Variants in SMC2 observed in about 807,000 individuals in gnomAD.
SMC2 encodes the protein structural maintenance of chromosomes 2, also known as structural maintenance of chromosomes protein 2.
In SMC2, 41 loss-of-function variants were observed where a neutral mutation model predicts 142.6. The observed-to-expected ratio is 0.29, with a 90% CI of 0.22 to 0.37. The LOEUF (loss-of-function observed/expected upper bound fraction) is 0.37. Among genes scored for constraint, SMC2 ranks in the 10% least tolerant of loss-of-function variants. The pLI, the probability that SMC2 is intolerant of heterozygous loss-of-function variation, is 1.00. For missense variants in SMC2, 1,265 were observed against 1,373.7 expected, an observed-to-expected ratio of 0.92 and a Z score of 1.25; for synonymous variants, 463 against 457.5, an observed-to-expected ratio of 1.01 and a Z score of -0.15.
At chr9:104,127,633 T>TCAACAATGCTAATTTTC (rs545296778) in intron 20 of SMC2, among the ~76,000 whole-genome samples, 153 bp downstream of exon 20, 155 of 152,326 alleles carry the variant, frequency 1.0e-3, no homozygotes, top group African/African-American at 3.6e-3. Flanking sequence ...TAACTGCTTT[T>TCAACAATGCTAATTTTC]CAACAATGCT....
intron 3 of SMC2, 63 bp downstream of exon 3, chr9:104,096,360 C>T: frequency 6.6e-7 from 1 of 1,515,034 alleles, no homozygotes; most frequent in Non-Finnish European, 9.0e-7. Context: ...GTTTTTGGCC[C>T]TATGCCTTTG....
At chr9:104,136,703 A>G (rs1439151762) in intron 23 of SMC2, among the ~76,000 whole-genome samples, 2 of 151,410 alleles carry the variant, frequency 1.3e-5, no homozygotes, top group Non-Finnish European at 2.9e-5. Flanking sequence ...TCCCTTTTAT[A>G]GAGGTGATTA....
In SMC2 at chr9:104,129,714, G is replaced by A; in HGVS notation, c.2860G>A (p.Ala954Thr). The A allele has an allele frequency of 6.2e-7, 1 of 1,613,956 alleles. No individual in the cohort carries two copies. The highest frequency in any genetic ancestry group is 1.3e-5 in the African/African-American group (1 of 75,014). The part of the protein sequence containing the change: ...ERHLFGQPNS[A>T]YDFKTNNPKE... ...ACACCTCTTTGGCCAACCCAATAGT[G>A]CCTATGATTTCAAAACTAACAACCC... Residue 954 changes from alanine to threonine, a missense_variant, in exon 21 of 25, where the codon GCC becomes ACC. By Grantham distance (58) the Ala-to-Thr change is moderately conservative (BLOSUM62 0). This residue lies in a region of SMC2 where 898 missense variants were observed against 904.2 expected (regional missense o/e 0.99). Coordinates refer to ENST00000374793, the MANE Select transcript of SMC2 (RefSeq NM_006444.3).
chr9:104,097,088 TATAGTC>T (rs1422000257), intron 3 of SMC2, among the ~76,000 whole-genome samples: 1 of 151,586 alleles, frequency 6.6e-6, no homozygotes, highest in African/African-American at 2.4e-5. Flanking sequence ...GTGTTATTAA[TATAGTC>T]AGGCAGTGTT....
intron 1 of SMC2, 32 bp from the exon 2 acceptor site, chr9:104,095,292 C>T: frequency 2.0e-6 from 2 of 981,990 alleles, no homozygotes; most frequent in Non-Finnish European, 3.1e-6. Context: ...GTTTACATTC[C>T]ACTTAGGTGG....
upstream of SMC2, among the ~76,000 whole-genome samples, chr9:104,091,355 GGTA>G (rs1415334208): frequency 2.0e-5 from 3 of 152,162 alleles, no homozygotes; most frequent in East Asian, 3.9e-4. Context: ...AAACAGAAAG[GGTA>G]GTATGTTGCA....
Position 104,118,343 on chromosome 9 carries a change from A to T in SMC2, c.1964A>T (p.Asp655Val). 6.2e-7 allele frequency: 1 copy of T among 1,613,596 alleles called. No homozygotes were observed. The highest frequency in any genetic ancestry group is 8.5e-7 in the Non-Finnish European group (1 of 1,179,636). The stretch of plus-strand genomic sequence containing the variant: ...ACTAGAACTGTAACTCTCGGAGGTG[A>T]TGTGTTTGATCCTCATGGGACATTG... ...IMTRTVTLGG[D>V]VFDPHGTLSG... Residue 655 changes from aspartate to valine, a missense_variant, in exon 15 of 25, where the codon GAT (aspartate) becomes GTT (valine). Physicochemically the swap from Asp to Val is radical, Grantham distance 152. This residue lies in a region of SMC2 where 898 missense variants were observed against 904.2 expected (regional missense o/e 0.99). Transcript: ENST00000374793.
upstream of SMC2, among the ~76,000 whole-genome samples, chr9:104,090,837 GAACT>G (rs149606008): frequency 0.52 from 78,886 of 151,374 alleles, 21,255 homozygotes; most frequent in Non-Finnish European, 0.55. Context: ...AAAAATAACA[GAACT>G]AACAGAAAAG....
rs529879177 is a variant in SMC2, at chr9:104,139,377, G to A, written c.*62G>A. On this transcript the variant is annotated 3_prime_UTR_variant, in exon 25 of 25. Coordinates refer to ENST00000374793, the MANE Select transcript of SMC2 (RefSeq NM_006444.3). ...TAAATGTAAACTTTTAAGGACTTGA[G>A]ATAACTAATTTGTTTATATACAAAA... 4 of 1,348,806 alleles carry A rather than the reference G, an allele frequency of 3.0e-6. No homozygotes were observed. Among genetic ancestry groups the A allele is most frequent in the Admixed American group, 5.3e-5 (2 of 37,476 alleles). The allele number at this position is 1,348,806 out of a possible 1,614,324, so 83.6% of individuals were successfully genotyped here.
chr9:104,138,276 A>T (rs1835766745), intron 24 of SMC2, 111 bp downstream of exon 24: 2 of 818,530 alleles, frequency 2.4e-6, no homozygotes, highest in South Asian at 3.0e-5. Context: ...GATAAATACT[A>T]AAGCATTGTA....
chr9:104,119,672 C>G (rs564610462), intron 15 of SMC2, among the ~76,000 whole-genome samples: 22 of 152,216 alleles, frequency 1.4e-4, no homozygotes, highest in African/African-American at 5.1e-4. Flanking sequence ...GTACTGCCTC[C>G]TAAAGCAAAT....
Position 104,127,369 on chromosome 9 carries a change from T to A in SMC2, c.2679T>A (p.Tyr893Ter). ...AAGACACTGTAATTAAAGCTAAATA[T>A]GCAGAAGTGGCAAAACACAAGGAGC... ...TAQDTVIKAKYAEVAKHKEQN... is the reference protein window; with the variant it reads ...TAQDTVIKAK The change falls in exon 20 of 25, where the codon TAT (tyrosine) becomes TAA (stop). Residue 893 changes from tyrosine to a stop codon, truncating the protein, a stop_gained. Transcript: ENST00000374793. LOFTEE classifies it high-confidence loss of function. 1 of 1,613,934 alleles carries A rather than the reference T, an allele frequency of 6.2e-7. No homozygotes were observed.
At position 104,098,483 on chromosome 9, in the gene SMC2, G is replaced by C; in HGVS notation, c.356G>C (p.Gly119Ala). 6.3e-7 allele frequency: 1 copy of C among 1,594,746 alleles called. No homozygotes were observed. The highest frequency in any genetic ancestry group is 8.5e-7 in the Non-Finnish European group (1 of 1,173,016). ...GGTAGAAATAAATATTTAATCAATG[G>C]AGTCAATGCCAACAACACCAGAGTA... ...IGGRNKYLIN[G>A]VNANNTRVQD... Residue 119 changes from glycine (G) to alanine (A), a missense_variant, in exon 4 of 25, where the codon GGA (glycine) becomes GCA (alanine). Coordinates refer to ENST00000374793, the MANE Select transcript of SMC2 (RefSeq NM_006444.3).
chr9:104,111,073 G>T (rs1485708615), intron 9 of SMC2, among the ~76,000 whole-genome samples: 1 of 152,080 alleles, frequency 6.6e-6, no homozygotes, highest in African/African-American at 2.4e-5. Flanking sequence ...CTTTTTTCAG[G>T]TCTGGTATCT....
At chr9:104,096,902 ATCTT>A (rs1258568692) in intron 3 of SMC2, among the ~76,000 whole-genome samples, 2 of 152,092 alleles carry the variant, frequency 1.3e-5, no homozygotes, top group Non-Finnish European at 2.9e-5. Flanking sequence ...GCATTCATCT[ATCTT>A]TCTTTCTTTT....
intron 23 of SMC2, among the ~76,000 whole-genome samples, chr9:104,136,532 T>A (rs1835543613): frequency 6.6e-6 from 1 of 152,068 alleles, no homozygotes; most frequent in South Asian, 2.1e-4. Context: ...TAAGATGCTA[T>A]AAAGTTATTT....
intron 5 of SMC2, 80 bp from the exon 6 acceptor site, chr9:104,100,013 G>C: frequency 1.2e-6 from 1 of 838,014 alleles, no homozygotes; most frequent in Non-Finnish European, 1.9e-6. Context: ...TGAGGTCAAG[G>C]CAAAAATGAT....
chr9:104,100,370 A>G lies in SMC2; in HGVS notation c.592-19A>G. 1 of 1,514,400 alleles carries G rather than the reference A, an allele frequency of 6.6e-7. No homozygotes were observed. The highest frequency in any genetic ancestry group is 9.1e-7 in the Non-Finnish European group (1 of 1,095,694). The allele number at this position is 1,514,400 out of a possible 1,614,324, so 93.8% of individuals were successfully genotyped here. A position where few individuals can be genotyped will look rare whatever the true frequency, so the allele number is the denominator to read the frequency against. ...TGATACTTTACATGCGAAAATACTG[A>G]TTTTTCTTTATTTTCCAGATACTTG... On this transcript the variant is annotated intron_variant, in intron 6 of 24. Transcript: ENST00000374793.
At chr9:104,091,976 G>A (rs1829988914), upstream of SMC2, 1 of 152,170 alleles carries the variant, frequency 6.6e-6, no homozygotes, top group African/African-American at 2.4e-5. Context: ...TGGTGATGAA[G>A]CAAGAACAGT....
Sources: gnomAD v4.1 joint callset for allele counts (sites outside exome capture counted in the v4.1 genomes callset) on GRCh38, gnomAD v4.1.1 for gene constraint, gnomAD v4.1.1 regional missense constraint, MANE v1.5 for transcripts, NCBI Gene and HGNC (gene_info 2026-07-23, HGNC 2026-07-21) for gene names.